DAB1: variants seen among roughly 807,000 people sequenced by gnomAD.
The protein encoded by DAB1 is DAB adaptor protein 1.
Under a neutral mutation model 64.6 loss-of-function variants are expected in DAB1, and 15 were observed. That is an observed-to-expected ratio of 0.23 (90% CI 0.16 to 0.36). The LOEUF is 0.36. Among genes scored for constraint, DAB1 ranks in the 10% least tolerant of loss-of-function variants. The probability of loss-of-function intolerance (pLI) is 1.00; values close to 1 mark genes in which losing one functional copy is unlikely to be tolerated. For missense variants in DAB1, 596 were observed against 706.7 expected (o/e 0.84, Z 1.78); for synonymous variants, 235 against 251.9 (o/e 0.93, Z 0.64).
intron 1 of DAB1, among the ~76,000 whole-genome samples, chr1:57,862,144 C>T (rs1362025569): frequency 1.3e-5 from 2 of 152,210 alleles, no homozygotes; most frequent in Non-Finnish European, 2.9e-5. Context: ...CTATTACTTA[C>T]TGAAATCTTA....
intron 5 of DAB1, among the ~76,000 whole-genome samples, chr1:57,907,772 C>T (rs1424839289): frequency 6.6e-6 from 1 of 151,896 alleles, no homozygotes; most frequent in Non-Finnish European, 1.5e-5. Flanking sequence ...CGTTGCTTAA[C>T]GATGGGGATA....
At chr1:58,311,940 G>C (rs1426130851) in intron 4 of DAB1, among the ~76,000 whole-genome samples, 1 of 152,136 alleles carries the variant, frequency 6.6e-6, no homozygotes, top group Non-Finnish European at 1.5e-5. Context: ...ACACACAAAA[G>C]TTAGGCAGTT....
chr1:57,365,161 A>C (rs1679877381), intron 1 of DAB1, among the ~76,000 whole-genome samples: 1 of 143,784 alleles, frequency 7.0e-6, no homozygotes, highest in South Asian at 2.1e-4. Flanking sequence ...TATGAAGTAC[A>C]GAAAATATAT....
intron 4 of DAB1, among the ~76,000 whole-genome samples, chr1:58,264,290 G>C (rs1661112529): frequency 6.6e-6 from 1 of 152,176 alleles, no homozygotes; most frequent in Non-Finnish European, 1.5e-5. Flanking sequence ...AGGATGTTAA[G>C]AGACCTTAGA....
Position 56,998,065 on chromosome 1 carries a change from C to T in DAB1, c.*79G>A, listed in dbSNP as rs1300191500. On this transcript the variant is annotated 3_prime_UTR_variant, in exon 15 of 15. Coordinates refer to ENST00000371236, the MANE Select transcript of DAB1 (RefSeq NM_001365792.1). ...TGTCCATGCCAGTCTTGAGCACCCA[C>T]CACGAGCTCGCATCGATGCTATTTC... is the stretch of plus-strand genomic sequence containing the variant. 1 of 152,606 alleles carries T rather than the reference C, an allele frequency of 6.6e-6. No individual in the cohort carries two copies. The highest frequency in any genetic ancestry group is 1.5e-5 in the Non-Finnish European group (1 of 68,046). 9.5% of individuals were successfully genotyped at this position (152,606 alleles called of 1,614,324 possible). A position where few individuals can be genotyped will look rare whatever the true frequency, so the allele number is the denominator to read the frequency against.
At position 58,218,150 on chromosome 1, in the gene DAB1, G is replaced by C. The variant is rs75382003; in HGVS notation, n.310-67562C>G. Among the ~76,000 whole-genome samples, 538 of 152,152 alleles carry C rather than the reference G, an allele frequency of 3.5e-3. 7 individuals are homozygous for C. Among genetic ancestry groups the C allele is most frequent in the East Asian group, 0.027 (139 of 5,172 alleles). Reference sequence around the variant, plus strand: ...TGAGCTGGTCTCCAGTCCAGTAGGGGGACAGAGAGAAAGGCTGACGTAAGA... The same window carrying C: ...TGAGCTGGTCTCCAGTCCAGTAGGGCGACAGAGAGAAAGGCTGACGTAAGA... On this transcript the variant is annotated intron_variant and non_coding_transcript_variant, in intron 4 of 20. Coordinates refer to the DAB1 transcript ENST00000485760.
intron 4 of DAB1, among the ~76,000 whole-genome samples, chr1:57,094,131 C>CAAAAA (rs1653945305): frequency 6.9e-6 from 1 of 145,620 alleles, no homozygotes; most frequent in African/African-American, 2.5e-5. Flanking sequence ...AAAAAGGAAT[C>CAAAAA]TTGGAGTTGA....
At chr1:57,920,781 T>C (rs1187855646) in intron 5 of DAB1, among the ~76,000 whole-genome samples, 1 of 152,244 alleles carries the variant, frequency 6.6e-6, no homozygotes, top group East Asian at 1.9e-4. Context: ...TAAGGCATCA[T>C]TAGTATCACT....
At chr1:57,421,962 A>T (rs1329345402) in intron 1 of DAB1, among the ~76,000 whole-genome samples, 2 of 141,900 alleles carry the variant, frequency 1.4e-5, no homozygotes, top group Admixed American at 1.5e-4. Context: ...ACCCCCATCT[A>T]TCTTAGTGCC....
chr1:58,091,322 A>C lies in DAB1; in HGVS notation n.387+59189T>G, dbSNP rs192650948. 3.3e-5 allele frequency among the ~76,000 whole-genome samples: 5 copies of C among 152,362 alleles called. No individual in the cohort carries two copies. In the East Asian group the frequency reaches 9.6e-4, roughly 29 times the overall value. ...TAGATCTTAGCAGGACTTACTTAGC[A>C]GAGCCTTTGCTCCTCTGTCTAACCA... On this transcript the variant is annotated intron_variant and non_coding_transcript_variant, in intron 5 of 20. Coordinates refer to the DAB1 transcript ENST00000485760.
intron 1 of DAB1, among the ~76,000 whole-genome samples, chr1:58,536,901 A>C (rs1008467653): frequency 2.0e-5 from 3 of 152,204 alleles, no homozygotes; most frequent in African/African-American, 7.2e-5. Context: ...TTCTTAGCTA[A>C]ATGATGAAAA....
intron 5 of DAB1, among the ~76,000 whole-genome samples, chr1:57,994,815 G>A (rs1557601332): frequency 6.6e-6 from 1 of 152,168 alleles, no homozygotes; most frequent in Non-Finnish European, 1.5e-5. Context: ...GAATTCTTAG[G>A]AGGAAGGAGC....
intron 5 of DAB1, among the ~76,000 whole-genome samples, chr1:57,951,197 C>A (rs1645268193): frequency 1.3e-5 from 2 of 151,020 alleles, no homozygotes; most frequent in South Asian, 4.2e-4. Flanking sequence ...CTGCTCCTTT[C>A]CCCCAAGAGA....
At chr1:57,687,147 A>G (rs1646707336) in intron 6 of DAB1, among the ~76,000 whole-genome samples, 1 of 152,202 alleles carries the variant, frequency 6.6e-6, no homozygotes, top group Admixed American at 6.5e-5. Flanking sequence ...GTAAAACCCT[A>G]AAAACTTCAT....
At chr1:58,076,132 T>C (rs925799011) in intron 5 of DAB1, among the ~76,000 whole-genome samples, 1 of 152,158 alleles carries the variant, frequency 6.6e-6, no homozygotes, top group African/African-American at 2.4e-5. Flanking sequence ...TAAGTTGATA[T>C]ATAATAATAG....
intron 3 of DAB1, among the ~76,000 whole-genome samples, chr1:58,355,817 A>G (rs2100519722): frequency 6.6e-6 from 1 of 152,322 alleles, no homozygotes; most frequent in South Asian, 2.1e-4. Context: ...AAAGCAAGTA[A>G]TGCCTCTAAT....
At chr1:57,796,644 GGC>G (rs1247052775) in intron 6 of DAB1, among the ~76,000 whole-genome samples, 19 of 142,568 alleles carry the variant, frequency 1.3e-4, no homozygotes, top group Non-Finnish European at 2.9e-4. Context: ...ACAAGGCAGA[GGC>G]TGTGGCTGAC....
At chr1:57,430,559 A>T (rs1014981338) in intron 7 of DAB1, among the ~76,000 whole-genome samples, 1 of 151,938 alleles carries the variant, frequency 6.6e-6, no homozygotes, top group South Asian at 2.1e-4. Context: ...TTGTATTTTT[A>T]GCAGAGACGG....
intron 3 of DAB1, among the ~76,000 whole-genome samples, chr1:57,143,400 C>T (rs1658799882): frequency 6.6e-6 from 1 of 151,998 alleles, no homozygotes; most frequent in Non-Finnish European, 1.5e-5. Flanking sequence ...GAAGAAAGCT[C>T]ATCATTGGAC....
Sources: allele counts gnomAD v4.1 joint callset (sites outside exome capture counted in the v4.1 genomes callset), GRCh38; gene constraint gnomAD v4.1.1; transcripts MANE v1.5; gene names NCBI Gene and HGNC (gene_info 2026-07-23, HGNC 2026-07-21).